TUSC3: variants seen among roughly 807,000 people sequenced by gnomAD.
The protein encoded by TUSC3 is dolichyl-diphosphooligosaccharide--protein glycosyltransferase subunit TUSC3.
TUSC3 carries 45 observed loss-of-function variants against 44.8 expected under a neutral mutation model. That is an observed-to-expected ratio of 1.00 (90% CI 0.79 to 1.29). The LOEUF is 1.29. TUSC3 is among the 50% of genes most tolerant of loss of function. The pLI is 0.00. For missense variants in TUSC3, 519 were observed against 437.9 expected, an observed-to-expected ratio of 1.19 and a Z score of -1.65; for synonymous variants, 212 against 152.9, an observed-to-expected ratio of 1.39 and a Z score of -2.85.
chr8:15,601,933 C>T (rs1445399658), intron 1 of TUSC3, among the ~76,000 whole-genome samples: 18 of 150,186 alleles, frequency 1.2e-4, no homozygotes, highest in Non-Finnish European at 2.7e-4. Context: ...TTTTAGTTTC[C>T]AGAATTAACT....
chr8:15,642,561 G>C (rs114308769), intron 2 of TUSC3, among the ~76,000 whole-genome samples: 395 of 152,152 alleles, frequency 2.6e-3, no homozygotes, highest in African/African-American at 8.8e-3. Flanking sequence ...TTACAATAAA[G>C]GTCTTTAAAG....
chr8:15,723,989 C>T (rs1274047195), intron 6 of TUSC3, among the ~76,000 whole-genome samples: 4 of 152,062 alleles, frequency 2.6e-5, no homozygotes, highest in South Asian at 2.1e-4. Flanking sequence ...GCCTTAACCC[C>T]GCAGTGTGAC....
chr8:15,471,487 T>A lies in TUSC3; in HGVS notation n.92-11899T>A, dbSNP rs114395972. 5.3e-3 allele frequency among the ~76,000 whole-genome samples: 801 copies of A among 152,222 alleles called. 8 individuals carry two copies. The highest frequency in any genetic ancestry group is 0.018 in the African/African-American group (747 of 41,554). ...AAATATCTTAATACTAATAAAACTT[T>A]TTCTTCATCTCTAAAATGAGATTTC... On this transcript the variant is annotated intron_variant and non_coding_transcript_variant, in intron 1 of 5. Coordinates refer to the TUSC3 transcript ENST00000503191.
intron 7 of TUSC3, among the ~76,000 whole-genome samples, chr8:15,738,557 G>A (rs1203571707): frequency 6.6e-6 from 1 of 152,014 alleles, no homozygotes; most frequent in East Asian, 1.9e-4. Flanking sequence ...GACTCCATAT[G>A]ACTTGCATAG....
intron 1 of TUSC3, among the ~76,000 whole-genome samples, chr8:15,547,170 A>G (rs1489546183): frequency 6.6e-6 from 1 of 151,750 alleles, no homozygotes; most frequent in African/African-American, 2.4e-5. Flanking sequence ...TGAGAACTCA[A>G]GTACCTATAA....
intron 1 of TUSC3, among the ~76,000 whole-genome samples, chr8:15,594,551 C>T (rs1309451169): frequency 6.6e-6 from 1 of 152,086 alleles, no homozygotes; most frequent in East Asian, 1.9e-4. Flanking sequence ...TATTTTGATC[C>T]TTTAAGTTCT....
At chr8:15,813,385 C>CA in the TUSC3 span, among the ~76,000 whole-genome samples, 27 of 28,498 alleles carry the variant, frequency 9.5e-4, no homozygotes, top group East Asian at 2.8e-3. Context: ...AACAAACAAA[C>CA]AAACAAAAAA....
At chr8:15,617,604 A>G (rs1805054640) in intron 1 of TUSC3, among the ~76,000 whole-genome samples, 1 of 152,176 alleles carries the variant, frequency 6.6e-6, no homozygotes, top group African/African-American at 2.4e-5. Context: ...TGGTGTACTC[A>G]TTAAGTACAG....
At chr8:15,522,073 A>T (rs1265221219) in intron 2 of TUSC3, among the ~76,000 whole-genome samples, 1 of 152,182 alleles carries the variant, frequency 6.6e-6, no homozygotes, top group Non-Finnish European at 1.5e-5. Context: ...ATGGCAAGGC[A>T]TTTCTGAAAT....
intron 2 of TUSC3, among the ~76,000 whole-genome samples, chr8:15,512,575 C>T (rs966856466): frequency 6.6e-6 from 1 of 152,092 alleles, no homozygotes; most frequent in Non-Finnish European, 1.5e-5. Context: ...CAGTTTGAGA[C>T]CAGCCTGGGC....
intron 1 of TUSC3, among the ~76,000 whole-genome samples, chr8:15,576,669 C>T (rs1803129567): frequency 7.2e-6 from 1 of 138,084 alleles, no homozygotes; most frequent in African/African-American, 2.9e-5. Flanking sequence ...GCATAGTATT[C>T]CATGGTGTAT....
chr8:15,538,794 A>T (rs1488105903), upstream of TUSC3, among the ~76,000 whole-genome samples: 1 of 151,996 alleles, frequency 6.6e-6, no homozygotes, highest in Non-Finnish European at 1.5e-5. Flanking sequence ...TGTTGCAGAT[A>T]TCTTGAACAA....
intron 1 of TUSC3, among the ~76,000 whole-genome samples, chr8:15,439,209 C>G (rs757149776): frequency 6.6e-6 from 1 of 152,158 alleles, no homozygotes; most frequent in Non-Finnish European, 1.5e-5. Context: ...AGCCAGCGAC[C>G]CAGGAAACCC....
chr8:15,577,495 G>A (rs551662164), intron 1 of TUSC3, among the ~76,000 whole-genome samples: 1 of 150,928 alleles, frequency 6.6e-6, no homozygotes, highest in Non-Finnish European at 1.5e-5. Context: ...TTTGTATAAG[G>A]TGTAAGGAAG....
chr8:15,590,883 A>T (rs1480465297), intron 1 of TUSC3, among the ~76,000 whole-genome samples: 1 of 152,074 alleles, frequency 6.6e-6, no homozygotes, highest in Non-Finnish European at 1.5e-5. Flanking sequence ...TATGTTGCCC[A>T]GGCTGGTGTC....
the TUSC3 span, among the ~76,000 whole-genome samples, chr8:15,836,323 T>TA: frequency 4.4e-3 from 629 of 142,556 alleles, 3 homozygotes; most frequent in African/African-American, 0.011. Context: ...TAAAAATACT[T>TA]AAAAAAAAAA....
intron 2 of TUSC3, among the ~76,000 whole-genome samples, chr8:15,639,412 T>G (rs2129171116): frequency 6.6e-6 from 1 of 152,334 alleles, no homozygotes; most frequent in Admixed American, 6.5e-5. Context: ...GATGAAAAAC[T>G]CATTGAAAAG....
At chr8:15,582,336 C>G (rs1803401559) in intron 1 of TUSC3, among the ~76,000 whole-genome samples, 1 of 152,256 alleles carries the variant, frequency 6.6e-6, no homozygotes, top group Non-Finnish European at 1.5e-5. Context: ...TCTGCTTTTT[C>G]TGTGAAGGTG....
At chr8:15,588,904 A>G (rs1369878524) in intron 1 of TUSC3, among the ~76,000 whole-genome samples, 2 of 152,002 alleles carry the variant, frequency 1.3e-5, no homozygotes, top group African/African-American at 2.4e-5. Flanking sequence ...ATTCTGTTCC[A>G]TTGGCCTTTG....
Sources: allele counts gnomAD v4.1 joint callset (sites outside exome capture counted in the v4.1 genomes callset), GRCh38; gene constraint gnomAD v4.1.1; transcripts MANE v1.5; gene names NCBI Gene and HGNC (gene_info 2026-07-23, HGNC 2026-07-21).